Variants in SLC12A8 observed in about 807,000 individuals in gnomAD.
The protein encoded by SLC12A8 is solute carrier family 12 member 8, also known as cation-chloride cotransporter 9.
In SLC12A8, 69 loss-of-function variants were observed where a neutral mutation model predicts 75.6. That is an observed-to-expected ratio of 0.91 (90% CI 0.75 to 1.11). The LOEUF (loss-of-function observed/expected upper bound fraction) is 1.11. Ranked by LOEUF, SLC12A8 falls within the 50% of genes most tolerant of loss-of-function variation. The pLI, the probability that SLC12A8 is intolerant of heterozygous loss-of-function variation, is 0.00. For missense variants in SLC12A8, 877 were observed against 896.7 expected (o/e 0.98, Z 0.28); for synonymous variants, 365 against 372.8 (o/e 0.98, Z 0.24).
Position 125,107,840 on chromosome 3 carries a change from C to T in SLC12A8, c.1346G>A (p.Arg449Lys), listed in dbSNP as rs1290642823. ...TTCCAGTAGCGTGCCCTCCAAGACTCTTTGGGCAGGTCCCTCAGAGCCGTA... is the reference window on the plus strand; with the variant it reads ...TTCCAGTAGCGTGCCCTCCAAGACTTTTTGGGCAGGTCCCTCAGAGCCGTA... ...PSYGSEGPAQ[R>K]VLEGTLLEFT... The change falls in exon 10 of 14, where the codon AGA (arginine) becomes AAA (lysine). Residue 449 changes from arginine to lysine, a missense_variant. Transcript: ENST00000469902. The T allele has an allele frequency of 4.3e-6, 7 of 1,614,040 alleles. No homozygotes were observed. Among genetic ancestry groups the T allele is most frequent in the Non-Finnish European group, 5.9e-6 (7 of 1,180,044 alleles).
At chr3:125,096,452 C>T (rs911613491) in intron 10 of SLC12A8, among the ~76,000 whole-genome samples, 1 of 151,580 alleles carries the variant, frequency 6.6e-6, no homozygotes, top group Admixed American at 6.6e-5. Context: ...CATGTTCCCC[C>T]AGCACTTGGG....
chr3:125,192,326 G>A (rs1030160413), intron 2 of SLC12A8, among the ~76,000 whole-genome samples: 9 of 152,136 alleles, frequency 5.9e-5, no homozygotes, highest in African/African-American at 2.2e-4. Context: ...TGACGGCCCA[G>A]TCTCACAGCC....
At chr3:125,092,819 G>A (rs1165495627) in intron 10 of SLC12A8, among the ~76,000 whole-genome samples, 1 of 152,178 alleles carries the variant, frequency 6.6e-6, no homozygotes, top group African/African-American at 2.4e-5. Flanking sequence ...GCTATGTCAT[G>A]TTCTATTCAG....
At chr3:125,090,194 C>A (rs529831581) in intron 12 of SLC12A8, among the ~76,000 whole-genome samples, 1 of 152,040 alleles carries the variant, frequency 6.6e-6, no homozygotes, top group African/African-American at 2.4e-5. Context: ...CAGGTGTGTG[C>A]GAACTGTGCC....
chr3:125,206,312 T>C lies in SLC12A8; in HGVS notation c.51+4987A>G, dbSNP rs368307360. Among the ~76,000 whole-genome samples the C allele has an allele frequency of 1.9e-4, 29 of 152,354 alleles. 1 individual carries two copies. The East Asian group carries it at 3.3e-3, about 17-fold the overall frequency. ...GTTCTGGGGCCAGTAGCCTTGCTTCTAACCTGGTTCTGCCTTCTAACCTTG... is the reference window on the plus strand; with the variant it reads ...GTTCTGGGGCCAGTAGCCTTGCTTCCAACCTGGTTCTGCCTTCTAACCTTG... On this transcript the variant is annotated intron_variant, in intron 2 of 13. Coordinates refer to ENST00000469902, the MANE Select transcript of SLC12A8 (RefSeq NM_024628.6).
At chr3:125,118,378 C>T (rs1369218895) in intron 8 of SLC12A8, among the ~76,000 whole-genome samples, 1 of 152,174 alleles carries the variant, frequency 6.6e-6, no homozygotes, top group Non-Finnish European at 1.5e-5. Context: ...AATCTCAGCA[C>T]TTTGGGAGGT....
chr3:125,180,775 T>G, intron 4 of SLC12A8, among the ~76,000 whole-genome samples: 1 of 152,204 alleles, frequency 6.6e-6, no homozygotes, highest in Non-Finnish European at 1.5e-5. Flanking sequence ...CATAAGATAC[T>G]TTGTTGATGC....
At chr3:125,125,339 C>T (rs2948794) in intron 6 of SLC12A8, among the ~76,000 whole-genome samples, 19,130 of 152,006 alleles carry the variant, frequency 0.13, 1,532 homozygotes, top group Admixed American at 0.17. Context: ...GGGTGGATCA[C>T]CTGAGGTCAG....
At chr3:125,108,909 A>C (rs1939108992) in intron 9 of SLC12A8, among the ~76,000 whole-genome samples, 1 of 152,096 alleles carries the variant, frequency 6.6e-6, no homozygotes, top group Non-Finnish European at 1.5e-5. Flanking sequence ...CACACATTAC[A>C]CACACCTGTT....
chr3:125,132,376 A>G (rs896611544), intron 6 of SLC12A8, among the ~76,000 whole-genome samples: 1 of 152,228 alleles, frequency 6.6e-6, no homozygotes, highest in Non-Finnish European at 1.5e-5. Flanking sequence ...GCCTTAAGAA[A>G]AGTCAGGCAG....
In SLC12A8 at chr3:125,201,700, T is replaced by A. The variant is rs573685857; in HGVS notation, c.51+9599A>T. On this transcript the variant is annotated intron_variant, in intron 2 of 13. Transcript: ENST00000469902. The stretch of plus-strand genomic sequence containing the variant: ...AGGTTGAGGCTGCAGTAAGCCATGA[T>A]TGAAAAAAAAAAAAAAAAAAAAGAA... 7.3e-4 allele frequency among the ~76,000 whole-genome samples: 42 copies of A among 57,586 alleles called. No individual in the cohort carries two copies. The South Asian group carries it at 0.03, about 41-fold the overall frequency. 37.8% of individuals were successfully genotyped at this position (57,586 alleles called of 152,430 possible).
intron 6 of SLC12A8, among the ~76,000 whole-genome samples, chr3:125,130,025 C>T (rs1375545042): frequency 2.6e-5 from 4 of 152,170 alleles, no homozygotes; most frequent in Non-Finnish European, 4.4e-5. Flanking sequence ...TGATTCTTCA[C>T]CTCAGTTGGG....
At chr3:125,212,501 A>G (rs1935356880) in intron 1 of SLC12A8, among the ~76,000 whole-genome samples, 199 bp downstream of exon 1, 1 of 151,974 alleles carries the variant, frequency 6.6e-6, no homozygotes, top group Admixed American at 6.5e-5. Context: ...TTGGCACCCC[A>G]CGCAGACGCG....
At chr3:125,182,900 A>C (rs1934698216) in intron 4 of SLC12A8, among the ~76,000 whole-genome samples, 1 of 152,234 alleles carries the variant, frequency 6.6e-6, no homozygotes, top group Admixed American at 6.5e-5. Context: ...AAAAGAGAAC[A>C]CTGGGATCAC....
At chr3:125,142,243 CA>C (rs1933667916) in intron 5 of SLC12A8, among the ~76,000 whole-genome samples, 1 of 152,218 alleles carries the variant, frequency 6.6e-6, no homozygotes, top group African/African-American at 2.4e-5. Context: ...AGTTCCTTCC[CA>C]AGCAGCCCCA....
intron 8 of SLC12A8, among the ~76,000 whole-genome samples, chr3:125,113,601 A>T (rs1939238164): frequency 6.6e-6 from 1 of 152,208 alleles, no homozygotes; most frequent in South Asian, 2.1e-4. Flanking sequence ...TATTCATATC[A>T]GACTGAAAAT....
Position 125,108,141 on chromosome 3 carries a change from A to G in SLC12A8, c.1060-15T>C, listed in dbSNP as rs756765624. 2.5e-6 allele frequency: 4 copies of G among 1,603,954 alleles called. No homozygotes were observed. In the South Asian group the frequency reaches 3.4e-5, roughly 13 times the overall value. On this transcript the variant is annotated splice_polypyrimidine_tract_variant and intron_variant, in intron 9 of 13. Coordinates refer to ENST00000469902, the MANE Select transcript of SLC12A8 (RefSeq NM_024628.6). ...TTTGGCCCCTTCTGCAGGAACAAAA[A>G]TAACATGCAGGACCATAAAATTTCA...
intron 7 of SLC12A8, chr3:125,120,014 G>A (rs1188926077): frequency 9.9e-6 from 4 of 405,752 alleles, no homozygotes; most frequent in Non-Finnish European, 1.5e-5. Context: ...TGGGGGAGCT[G>A]GAGGGGAGGC....
intron 2 of SLC12A8, among the ~76,000 whole-genome samples, chr3:125,206,223 C>T (rs1935223623): frequency 6.6e-6 from 1 of 152,154 alleles, no homozygotes; most frequent in African/African-American, 2.4e-5. Flanking sequence ...ATGAGCCAAG[C>T]TTTTGCAATG....
Sources: allele counts gnomAD v4.1 joint callset (sites outside exome capture counted in the v4.1 genomes callset), GRCh38; gene constraint gnomAD v4.1.1; transcripts MANE v1.5; gene names NCBI Gene and HGNC (gene_info 2026-07-23, HGNC 2026-07-21).